Variants in CMTM8 observed in about 807,000 individuals in gnomAD.
The protein encoded by CMTM8 is CKLF-like MARVEL transmembrane domain-containing protein 8.
In CMTM8, 12 loss-of-function variants were observed where a neutral mutation model predicts 18.6. The observed-to-expected ratio is 0.65, with a 90% CI of 0.41 to 1.05. The LOEUF is 1.05. CMTM8 is among the 50% of genes least tolerant of loss of function. CMTM8 has a pLI of 0.00. For missense variants in CMTM8, 217 were observed against 227.2 expected (o/e 0.95, Z 0.29); for synonymous variants, 87 against 90.6 (o/e 0.96, Z 0.23).
At position 32,369,883 on chromosome 3, in the gene CMTM8, G is replaced by A; in HGVS notation, c.439-1G>A. On this transcript the variant is annotated splice_acceptor_variant, in intron 3 of 3. Coordinates refer to ENST00000307526, the MANE Select transcript of CMTM8 (RefSeq NM_178868.5). LOFTEE classifies it high-confidence loss of function. ...CTTCTATTATGCTTTGTTTTCTCCA[G>A]TTCTTTGCCTTCCTGGTCACCATCT... 6.2e-7 allele frequency: 1 copy of A among 1,605,766 alleles called. No individual in the cohort carries two copies. The highest frequency in any genetic ancestry group is 1.3e-5 in the African/African-American group (1 of 74,882).
intron 2 of CMTM8, among the ~76,000 whole-genome samples, chr3:32,365,701 C>T (rs892996233): frequency 6.6e-6 from 1 of 152,166 alleles, no homozygotes; most frequent in Non-Finnish European, 1.5e-5. Flanking sequence ...CTCGCCTCGG[C>T]CTCCCAGAGT....
chr3:32,364,460 C>T (rs1001805678), intron 2 of CMTM8, among the ~76,000 whole-genome samples: 2 of 151,996 alleles, frequency 1.3e-5, no homozygotes, highest in Admixed American at 6.6e-5. Context: ...GCCAAAATCA[C>T]GCTACTGCAG....
chr3:32,329,226 C>T (rs556786083), intron 1 of CMTM8, among the ~76,000 whole-genome samples: 6 of 152,168 alleles, frequency 3.9e-5, no homozygotes, highest in Admixed American at 2.0e-4. Context: ...CCACCAAGCC[C>T]GGCTAATTTT....
upstream of CMTM8, chr3:32,238,362 T>C (rs113427613): frequency 0.15 from 22,544 of 152,166 alleles, 1,907 homozygotes; most frequent in African/African-American, 0.22. Context: ...TGGGTTTCCT[T>C]AAGGGGCCCC....
intron 1 of CMTM8, among the ~76,000 whole-genome samples, chr3:32,273,578 T>C (rs1235302607): frequency 1.3e-5 from 2 of 152,080 alleles, no homozygotes; most frequent in Non-Finnish European, 1.5e-5. Context: ...GTGAAAGAAG[T>C]CAGACACAAA....
At chr3:32,321,070 G>T (rs1696037817) in intron 1 of CMTM8, among the ~76,000 whole-genome samples, 1 of 152,074 alleles carries the variant, frequency 6.6e-6, no homozygotes, top group African/African-American at 2.4e-5. Context: ...TCAAAAAACA[G>T]TATTGGTTAT....
chr3:32,357,291 T>C lies in CMTM8; in HGVS notation c.148-82T>C, dbSNP rs1192322910. The C allele has an allele frequency of 2.3e-5, 24 of 1,026,548 alleles. No individual in the cohort carries two copies. The East Asian group carries it at 5.7e-4, about 24-fold the overall frequency. The allele number at this position is 1,026,548 out of a possible 1,614,324, so 63.6% of individuals were successfully genotyped here. The stretch of plus-strand genomic sequence containing the variant: ...GTAATTGACATTCTGTATAATTATT[T>C]TTTTTTCTTTGTCCCTCCTTCCTTC... On this transcript the variant is annotated intron_variant, in intron 1 of 3. Coordinates refer to ENST00000307526, the MANE Select transcript of CMTM8 (RefSeq NM_178868.5).
intron 1 of CMTM8, among the ~76,000 whole-genome samples, chr3:32,341,901 G>GT (rs1696504686): frequency 6.6e-6 from 1 of 151,836 alleles, no homozygotes; most frequent in Non-Finnish European, 1.5e-5. Context: ...CTTGGACTAA[G>GT]TTTTTTAACT....
chr3:32,357,710 A>G (rs1696843771), intron 2 of CMTM8, among the ~76,000 whole-genome samples, 164 bp downstream of exon 2: 1 of 152,234 alleles, frequency 6.6e-6, no homozygotes. Flanking sequence ...TTGCCTTTCA[A>G]GTGGCTTACA....
rs866081840 is a variant in CMTM8, at chr3:32,316,675, T to C, written c.148-40698T>C. Among the ~76,000 whole-genome samples the C allele has an allele frequency of 6.8e-5, 10 of 147,308 alleles. No individual in the cohort carries two copies. The East Asian group carries it at 1.2e-3, about 18-fold the overall frequency. On this transcript the variant is annotated intron_variant, in intron 1 of 3. Coordinates refer to ENST00000307526, the MANE Select transcript of CMTM8 (RefSeq NM_178868.5). Reference sequence around the variant, plus strand: ...TCCTGCTTGTTTGGGGATTTTTTTTTCCCCCTAAAACAGCAGCAATTTTCA... The same window carrying C: ...TCCTGCTTGTTTGGGGATTTTTTTTCCCCCCTAAAACAGCAGCAATTTTCA...
chr3:32,273,013 T>C (rs927203874), intron 1 of CMTM8, among the ~76,000 whole-genome samples: 2 of 152,172 alleles, frequency 1.3e-5, no homozygotes, highest in Non-Finnish European at 2.9e-5. Flanking sequence ...ACATCATTAG[T>C]CTTTAGAGAA....
chr3:32,363,385 G>C (rs766340571), intron 2 of CMTM8, among the ~76,000 whole-genome samples: 5 of 152,156 alleles, frequency 3.3e-5, no homozygotes, highest in African/African-American at 4.8e-5. Context: ...GCAGTGGAGG[G>C]TACTTCTTCC....
intron 1 of CMTM8, among the ~76,000 whole-genome samples, chr3:32,340,626 T>G (rs1003161377): frequency 6.6e-6 from 1 of 152,244 alleles, no homozygotes; most frequent in Non-Finnish European, 1.5e-5. Flanking sequence ...AAGGGCCAGA[T>G]AGTAAATATT....
At chr3:32,252,960 T>G (rs1575146136) in intron 1 of CMTM8, among the ~76,000 whole-genome samples, 2 of 152,302 alleles carry the variant, frequency 1.3e-5, no homozygotes, top group East Asian at 3.9e-4. Flanking sequence ...CCTTTTTAAT[T>G]AGGAATGATT....
At chr3:32,347,297 G>GTTTTTTTTTTTTTTTTTTTTTTT (rs56826485) in intron 1 of CMTM8, among the ~76,000 whole-genome samples, 1 of 136,534 alleles carries the variant, frequency 7.3e-6, no homozygotes, top group African/African-American at 2.7e-5. Flanking sequence ...TTTTGCTTAG[G>GTTTTTTTTTTTTTTTTTTTTTTT]TTTTTTTTTT....
intron 1 of CMTM8, among the ~76,000 whole-genome samples, chr3:32,277,476 G>A (rs1559367958): frequency 6.6e-6 from 1 of 151,448 alleles, no homozygotes; most frequent in Non-Finnish European, 1.5e-5. Flanking sequence ...GGGCTCAGGT[G>A]ATCCTCCTGC....
intron 1 of CMTM8, among the ~76,000 whole-genome samples, chr3:32,279,001 C>G (rs1047735879): frequency 6.6e-6 from 1 of 152,056 alleles, no homozygotes; most frequent in Non-Finnish European, 1.5e-5. Context: ...TGTCAAGCCT[C>G]AGGTATGGCT....
At chr3:32,241,228 C>G (rs1701943217) in intron 1 of CMTM8, among the ~76,000 whole-genome samples, 1 of 152,178 alleles carries the variant, frequency 6.6e-6, no homozygotes, top group South Asian at 2.1e-4. Flanking sequence ...TAGACATTAT[C>G]CATTGCCTTT....
chr3:32,279,196 A>G (rs1405464398), intron 1 of CMTM8, among the ~76,000 whole-genome samples: 2 of 139,674 alleles, frequency 1.4e-5, no homozygotes, highest in East Asian at 4.2e-4. Context: ...TTTTTATTAT[A>G]CTTTAAGTTT....
Sources: gnomAD v4.1 joint callset for allele counts (sites outside exome capture counted in the v4.1 genomes callset) on GRCh38, gnomAD v4.1.1 for gene constraint, MANE v1.5 for transcripts, NCBI Gene and HGNC (gene_info 2026-07-23, HGNC 2026-07-21) for gene names.